Variants in PCDH9 observed in about 807,000 individuals in gnomAD.
The protein encoded by PCDH9 is protocadherin 9.
In PCDH9, 24 loss-of-function variants were observed where a neutral mutation model predicts 70.6. The observed-to-expected ratio is 0.34, with a 90% CI of 0.25 to 0.48. PCDH9 has a LOEUF of 0.48. Ranked by LOEUF, PCDH9 falls within the 20% of genes least tolerant of loss-of-function variation. PCDH9 has a pLI of 0.99. For missense variants in PCDH9, 1,281 were observed against 1,503.6 expected, an observed-to-expected ratio of 0.85 and a Z score of 2.45; for synonymous variants, 562 against 558.5, an observed-to-expected ratio of 1.01 and a Z score of -0.09.
chr13:66,537,264 T>G (rs1960746297), intron 4 of PCDH9, among the ~76,000 whole-genome samples: 1 of 152,182 alleles, frequency 6.6e-6, no homozygotes, highest in African/African-American at 2.4e-5. Flanking sequence ...GCTCAGTGAG[T>G]GCTGAACATT....
At chr13:67,228,702 G>A (rs1163526674) in intron 1 of PCDH9, 127 bp from the exon 2 acceptor site, 2 of 338,194 alleles carry the variant, frequency 5.9e-6, no homozygotes, top group African/African-American at 2.1e-5. Context: ...CTGTTTGCAA[G>A]TTTACTCTGT....
intron 4 of PCDH9, among the ~76,000 whole-genome samples, chr13:66,607,027 T>C (rs1014264235): frequency 2.0e-5 from 3 of 152,086 alleles, no homozygotes; most frequent in Non-Finnish European, 4.4e-5. Context: ...ATATTCAAAA[T>C]AGTCCAAAAT....
chr13:67,006,555 G>A (rs945625934), intron 2 of PCDH9, among the ~76,000 whole-genome samples: 2 of 152,166 alleles, frequency 1.3e-5, no homozygotes, highest in African/African-American at 4.8e-5. Context: ...CTTTCACACA[G>A]GTCCTTGGAC....
At chr13:67,076,849 A>G (rs762122259) in intron 2 of PCDH9, among the ~76,000 whole-genome samples, 4 of 152,182 alleles carry the variant, frequency 2.6e-5, no homozygotes, top group East Asian at 1.9e-4. Context: ...TTGAAGTAAC[A>G]TAACACATAT....
At chr13:67,153,922 C>A (rs185951050) in intron 2 of PCDH9, among the ~76,000 whole-genome samples, 11 of 152,284 alleles carry the variant, frequency 7.2e-5, no homozygotes, top group Admixed American at 3.9e-4. Flanking sequence ...GGGCTTGCGA[C>A]CTTAGAATTA....
rs1043540570 is a variant in PCDH9, at chr13:67,058,136, G to A, written c.3037-154531C>T. ...AACATTGTAAAAGAATGTTTGCTAT[G>A]TTATTGGAAAAGGAATTTTCATGAC... is the stretch of plus-strand genomic sequence containing the variant. On this transcript the variant is annotated intron_variant, in intron 2 of 4. Transcript: ENST00000377865. 2.6e-5 allele frequency among the ~76,000 whole-genome samples: 4 copies of A among 152,020 alleles called. No homozygotes were observed. In the East Asian group the frequency reaches 5.8e-4, roughly 22 times the overall value.
chr13:66,399,559 T>C (rs2138290657), intron 4 of PCDH9, among the ~76,000 whole-genome samples: 1 of 152,232 alleles, frequency 6.6e-6, no homozygotes, highest in Middle Eastern at 3.4e-3. Flanking sequence ...CACATTTGAG[T>C]GTAGTAAGAT....
At chr13:67,024,334 T>C (rs1300624944) in intron 2 of PCDH9, among the ~76,000 whole-genome samples, 1 of 152,176 alleles carries the variant, frequency 6.6e-6, no homozygotes, top group Non-Finnish European at 1.5e-5. Flanking sequence ...TAATGCTCAA[T>C]GGCCATGGGT....
At chr13:67,106,877 T>A (rs1474068139) in intron 2 of PCDH9, among the ~76,000 whole-genome samples, 1 of 152,188 alleles carries the variant, frequency 6.6e-6, no homozygotes, top group Non-Finnish European at 1.5e-5. Context: ...CAGCCCTGTG[T>A]GTGGGCACTC....
chr13:66,971,970 A>C (rs2083530738), intron 2 of PCDH9, among the ~76,000 whole-genome samples: 3 of 151,872 alleles, frequency 2.0e-5, no homozygotes, highest in Admixed American at 2.0e-4. Context: ...TATGATCTTA[A>C]TATAATTAAT....
chr13:66,668,383 C>A (rs1393223232), intron 3 of PCDH9, among the ~76,000 whole-genome samples: 1 of 152,080 alleles, frequency 6.6e-6, no homozygotes, highest in Admixed American at 6.6e-5. Context: ...TCTTTAGGAG[C>A]CCAAATGCCA....
intron 4 of PCDH9, among the ~76,000 whole-genome samples, chr13:66,624,385 TA>T (rs1411809022): frequency 9.8e-5 from 15 of 152,346 alleles, no homozygotes; most frequent in African/African-American, 3.6e-4. Context: ...TCCCCTGCAG[TA>T]AAAGGTAACA....
chr13:66,995,225 C>T (rs1333349917), intron 2 of PCDH9, among the ~76,000 whole-genome samples: 1 of 152,216 alleles, frequency 6.6e-6, no homozygotes, highest in Non-Finnish European at 1.5e-5. Context: ...AGCTGGCACT[C>T]TTTCAAATGT....
At chr13:67,211,091 A>C (rs2089458733) in intron 2 of PCDH9, 1 of 151,964 alleles carries the variant, frequency 6.6e-6, no homozygotes. Context: ...ATATTTTCAT[A>C]GTATTAAGAA....
intron 2 of PCDH9, among the ~76,000 whole-genome samples, chr13:67,168,983 T>C (rs1483174843): frequency 6.6e-6 from 1 of 152,198 alleles, no homozygotes; most frequent in Non-Finnish European, 1.5e-5. Flanking sequence ...TTAATAAATG[T>C]TTGTCAAACA....
intron 3 of PCDH9, among the ~76,000 whole-genome samples, chr13:66,888,334 A>G (rs1485643003): frequency 2.0e-5 from 3 of 151,794 alleles, no homozygotes; most frequent in Non-Finnish European, 4.4e-5. Flanking sequence ...ATCTCTGCAA[A>G]AAATTTAAAA....
intron 3 of PCDH9, among the ~76,000 whole-genome samples, chr13:66,775,510 C>A (rs1466476503): frequency 6.6e-6 from 1 of 152,120 alleles, no homozygotes; most frequent in South Asian, 2.1e-4. Flanking sequence ...TCTGCCACCC[C>A]TGAGAGAGCA....
intron 2 of PCDH9, among the ~76,000 whole-genome samples, chr13:66,903,861 T>A (rs959752406): frequency 6.6e-6 from 1 of 152,058 alleles, no homozygotes; most frequent in Non-Finnish European, 1.5e-5. Flanking sequence ...TTACCTTTTT[T>A]AGGCAATATT....
At chr13:66,759,353 C>T (rs1354818682) in intron 3 of PCDH9, among the ~76,000 whole-genome samples, 1 of 151,952 alleles carries the variant, frequency 6.6e-6, no homozygotes, top group African/African-American at 2.4e-5. Flanking sequence ...TTTTCCATCC[C>T]TTGACTTTCA....
Sources: gnomAD v4.1 joint callset for allele counts (sites outside exome capture counted in the v4.1 genomes callset) on GRCh38, gnomAD v4.1.1 for gene constraint, MANE v1.5 for transcripts, NCBI Gene and HGNC (gene_info 2026-07-23, HGNC 2026-07-21) for gene names.